CCT8: variants seen among roughly 807,000 people sequenced by gnomAD.
CCT8 encodes the protein T-complex protein 1 subunit theta.
A neutral mutation model predicts 65.7 loss-of-function variants in CCT8; 10 were observed. That is an observed-to-expected ratio of 0.15 (90% CI 0.09 to 0.26). The LOEUF is 0.26. CCT8 is among the 10% of genes least tolerant of loss of function. The pLI is 1.00. For synonymous variants in CCT8, 199 were observed against 221.8 expected (o/e 0.90, Z 0.92); for missense variants, 568 against 669.1 (o/e 0.85, Z 1.67).
chr21:29,065,965 C>G (rs2085617204), intron 6 of CCT8, among the ~76,000 whole-genome samples: 1 of 151,482 alleles, frequency 6.6e-6, no homozygotes, highest in Non-Finnish European at 1.5e-5. Context: ...CACCTGTAAT[C>G]CAGCTACTTG....
At chr21:29,073,202 CA>C in intron 1 of CCT8, 1 of 1,045,716 alleles carries the variant, frequency 9.6e-7, no homozygotes, top group Non-Finnish European at 1.2e-6. Context: ...TTCACCCTCA[CA>C]ACCTCCTTTA....
chr21:29,059,209 T>C lies in CCT8; in HGVS notation c.1569+1332A>G, dbSNP rs189933254. 2.3e-3 allele frequency among the ~76,000 whole-genome samples: 348 copies of C among 152,372 alleles called. 1 individual carries two copies. The highest frequency in any genetic ancestry group is 7.9e-3 in the African/African-American group (328 of 41,594). Reference sequence around the variant, plus strand: ...TACTACACTATCCAATGCTTAAAGCTTGATGTGCAATTCCTTTTCTAGAAT... The same window carrying C: ...TACTACACTATCCAATGCTTAAAGCCTGATGTGCAATTCCTTTTCTAGAAT... On this transcript the variant is annotated intron_variant, in intron 14 of 14. Coordinates refer to ENST00000286788, the MANE Select transcript of CCT8 (RefSeq NM_006585.4).
In CCT8 at chr21:29,061,571, T is replaced by C. The variant is rs746264218; in HGVS notation, c.1213-4A>G. On this transcript the variant is annotated splice_polypyrimidine_tract_variant and splice_region_variant and intron_variant, in intron 11 of 14. Coordinates refer to ENST00000286788, the MANE Select transcript of CCT8 (RefSeq NM_006585.4). ...CTCCGGGTACAAGACGTTTATCCTG[T>C]ATGTAGCGCCCCCACCAAAAAAAAA... 1.9e-6 allele frequency: 3 copies of C among 1,613,164 alleles called. No homozygotes were observed. Among genetic ancestry groups the C allele is most frequent in the South Asian group, 1.1e-5 (1 of 90,988 alleles).
chr21:29,062,611 T>C, intron 8 of CCT8, 55 bp from the exon 9 acceptor site: 1 of 1,433,444 alleles, frequency 7.0e-7, no homozygotes, highest in Non-Finnish European at 9.7e-7. Flanking sequence ...AGATAGCATA[T>C]AAAGTTCAAA....
chr21:29,063,644 T>C (rs541636537), intron 7 of CCT8, 114 bp from the exon 8 acceptor site: 4 of 891,616 alleles, frequency 4.5e-6, no homozygotes, highest in Middle Eastern at 2.3e-4. Flanking sequence ...TATGAAGATA[T>C]ATGTGCATAT....
intron 8 of CCT8, among the ~76,000 whole-genome samples, 163 bp downstream of exon 8, chr21:29,063,187 CAG>C (rs1377575403): frequency 7.2e-5 from 11 of 152,166 alleles, no homozygotes; most frequent in Non-Finnish European, 1.6e-4. Flanking sequence ...TATGTTTTCT[CAG>C]AGGTGTTTCC....
chr21:29,063,668 A>G, intron 7 of CCT8, 138 bp from the exon 8 acceptor site: 1 of 746,924 alleles, frequency 1.3e-6, no homozygotes. Context: ...ATGAAGCAGC[A>G]GAATACTGTA....
At position 29,056,558 on chromosome 21, in the gene CCT8, TAAA is replaced by T. The variant is rs778087735; in HGVS notation, c.1570-9_1570-7del. On this transcript the variant is annotated splice_polypyrimidine_tract_variant and splice_region_variant and intron_variant, in intron 14 of 14. Coordinates refer to ENST00000286788, the MANE Select transcript of CCT8 (RefSeq NM_006585.4). ...GCTGGTTTTGCCATGATGATCTGCA[TAAA>T]AAAGAATCACACAAGAGTATGCTTA... The T allele has an allele frequency of 6.5e-7, 1 of 1,541,784 alleles. No individual in the cohort carries two copies. Among genetic ancestry groups the T allele is most frequent in the East Asian group, 2.3e-5 (1 of 42,988 alleles).
Position 29,062,192 on chromosome 21 carries a change from T to C in CCT8, c.1148A>G (p.Asn383Ser). 2 of 1,613,892 alleles carry C rather than the reference T, an allele frequency of 1.2e-6. No homozygotes were observed. Among genetic ancestry groups the C allele is most frequent in the South Asian group, 1.1e-5 (1 of 91,070 alleles). Residue 383 changes from asparagine to serine, a missense_variant, in exon 11 of 15, where the codon AAT becomes AGT. Coordinates refer to ENST00000286788, the MANE Select transcript of CCT8 (RefSeq NM_006585.4). ...STIVLRGSTD[N>S]LMDDIERAVD... is the part of the protein sequence containing the mutation. ...TGCCCTTTCTATGTCATCCATCAGA[T>C]TGTCTGTAGAGCCTCGAAGTACTAT...
At chr21:29,072,213 A>G (rs918989624) in intron 1 of CCT8, 2 of 454,612 alleles carry the variant, frequency 4.4e-6, no homozygotes, top group East Asian at 7.1e-5. Context: ...AGACATTTTT[A>G]CCTCCTGTCA....
chr21:29,069,665 C>T (rs1049027054), intron 2 of CCT8, among the ~76,000 whole-genome samples, 163 bp from the exon 3 acceptor site: 2 of 152,136 alleles, frequency 1.3e-5, no homozygotes, highest in Non-Finnish European at 2.9e-5. Flanking sequence ...TCTTATAGCC[C>T]CATGGGCATT....
Position 29,056,485 on chromosome 21 carries a change from T to C in CCT8, c.1637A>G (p.Gln546Arg). Residue 546 changes from glutamine to arginine, a missense_variant, in exon 15 of 15, where the codon CAA becomes CGA. Coordinates refer to ENST00000286788, the MANE Select transcript of CCT8 (RefSeq NM_006585.4). ...AAAATTAAGCCAATTTCAATCATTT[T>C]GGTCATCATCCCAGTCTTTCTTCCC... is the stretch of plus-strand genomic sequence containing the variant. Reference protein sequence around the residue: ...PSGKKDWDDDQND With the variant: ...PSGKKDWDDDRND 2 of 1,523,688 alleles carry C rather than the reference T, an allele frequency of 1.3e-6. No homozygotes were observed. The allele number at this position is 1,523,688 out of a possible 1,614,324, so 94.4% of individuals were successfully genotyped here. A position where few individuals can be genotyped will look rare whatever the true frequency, so the allele number is the denominator to read the frequency against.
intron 14 of CCT8, among the ~76,000 whole-genome samples, chr21:29,057,140 C>G (rs1340778505): frequency 6.7e-6 from 1 of 149,340 alleles, no homozygotes; most frequent in African/African-American, 2.4e-5. Flanking sequence ...CCTCACCTTA[C>G]TTTATCTAAA....
chr21:29,069,101 T>C (rs1568915340), intron 3 of CCT8, among the ~76,000 whole-genome samples: 2 of 152,164 alleles, frequency 1.3e-5, no homozygotes, highest in African/African-American at 4.8e-5. Context: ...GTTATATGTA[T>C]ACGTTTTTGC....
chr21:29,072,466 A>C (rs2085692430), intron 1 of CCT8, among the ~76,000 whole-genome samples: 3 of 152,218 alleles, frequency 2.0e-5, no homozygotes, highest in Admixed American at 1.3e-4. Flanking sequence ...AGTGAAAAAA[A>C]CCCAAATTGG....
rs184905384 is a variant in CCT8 at position 29,070,374 on chromosome 21, G to T, written c.61-37C>A. On this transcript the variant is annotated intron_variant, in intron 1 of 14. Transcript: ENST00000286788. Reference sequence around the variant, plus strand: ...AACAAACAAAAAACCCCGCTAATTAGACAGGACAGTGAAACAAAAATTTCA... The same window carrying T: ...AACAAACAAAAAACCCCGCTAATTATACAGGACAGTGAAACAAAAATTTCA... 9 of 1,360,132 alleles carry T rather than the reference G, an allele frequency of 6.6e-6. No homozygotes were observed. The Admixed American group carries it at 1.5e-4, about 23-fold the overall frequency. 84.3% of individuals were successfully genotyped at this position (1,360,132 alleles called of 1,614,324 possible).
rs1250720772 is a variant in CCT8 at position 29,062,509 on chromosome 21, G to C, written c.989C>G (p.Ala330Gly). ...DLRRLCKTVGATALPRLTPPV... is the reference protein window; with the variant it reads ...DLRRLCKTVGGTALPRLTPPV... Reference sequence around the variant, plus strand: ...ACATACCAATCTAGGAAGAGCTGTAGCACCAACAGTTTTACAAAGTCTTCG... The same window carrying C: ...ACATACCAATCTAGGAAGAGCTGTACCACCAACAGTTTTACAAAGTCTTCG... Residue 330 changes from alanine to glycine, a missense_variant, in exon 9 of 15, where the codon GCT becomes GGT. Ala to Gly is a moderately conservative substitution (Grantham distance 60). Transcript: ENST00000286788. The C allele has an allele frequency of 2.5e-6, 4 of 1,613,726 alleles. No individual in the cohort carries two copies. The highest frequency in any genetic ancestry group is 2.7e-5 in the African/African-American group (2 of 74,894).
chr21:29,073,570 C>G lies in CCT8; in HGVS notation c.21G>C (p.Lys7Asn). 6.2e-7 allele frequency: 1 copy of G among 1,614,186 alleles called. No homozygotes were observed. The highest frequency in any genetic ancestry group is 8.5e-7 in the Non-Finnish European group (1 of 1,180,040). The change falls in exon 1 of 15, where the codon AAG becomes AAC. Residue 7 changes from lysine (K) to asparagine (N), a missense_variant. Coordinates refer to ENST00000286788, the MANE Select transcript of CCT8 (RefSeq NM_006585.4). MALHVP[K>N]APGFAQMLKE... Reference sequence around the variant, plus strand: ...TGAGCATCTGGGCAAAGCCCGGAGCCTTGGGAACGTGAAGCGCCATGGCCA... The same window carrying G: ...TGAGCATCTGGGCAAAGCCCGGAGCGTTGGGAACGTGAAGCGCCATGGCCA...
intron 7 of CCT8, 83 bp from the exon 8 acceptor site, chr21:29,063,613 A>C: frequency 7.1e-7 from 1 of 1,416,290 alleles, no homozygotes; most frequent in Non-Finnish European, 9.7e-7. Context: ...TGACTGAAGA[A>C]ATAAAGGTTT....
Sources: gnomAD v4.1 joint callset for allele counts (sites outside exome capture counted in the v4.1 genomes callset) on GRCh38, gnomAD v4.1.1 for gene constraint, MANE v1.5 for transcripts, NCBI Gene and HGNC (gene_info 2026-07-23, HGNC 2026-07-21) for gene names.